MGLL: variants seen among roughly 807,000 people sequenced by gnomAD.
MGLL encodes the protein monoglyceride lipase.
A neutral mutation model predicts 29.1 loss-of-function variants in MGLL; 7 were observed. The ratio of observed to expected loss-of-function variants is 0.24; its 90% CI spans 0.14 to 0.45. The LOEUF (loss-of-function observed/expected upper bound fraction) is 0.45, where lower values mean the gene tolerates loss of function less well. Ranked by LOEUF, MGLL falls within the 20% of genes least tolerant of loss-of-function variation. MGLL has a pLI of 0.99. For missense variants in MGLL, 356 were observed against 413.6 expected (o/e 0.86, Z 1.21); for synonymous variants, 148 against 168.3 (o/e 0.88, Z 0.93).
At chr3:127,764,743 C>G (rs1157751540) in intron 3 of MGLL, among the ~76,000 whole-genome samples, 2 of 152,204 alleles carry the variant, frequency 1.3e-5, no homozygotes, top group African/African-American at 4.8e-5. Context: ...GGAAGCCACA[C>G]TAGTTAGCAT....
rs1222321850 is a variant in MGLL at position 127,721,120 on chromosome 3, T to A, written c.443A>T (p.His148Leu). 1 of 1,614,218 alleles carries A rather than the reference T, an allele frequency of 6.2e-7. No individual in the cohort carries two copies. Residue 148 changes from histidine to leucine, a missense_variant, in exon 5 of 8, where the codon CAC becomes CTC. Coordinates refer to ENST00000265052, the MANE Select transcript of MGLL (RefSeq NM_007283.7). ...AILTAAERPG[H>L]FAGMVLISPL... ...CGAAATGAGTACCATGCCGGCGAAG[T>A]GGCCCGGCCTCTCTGCGGCCGTGAG...
At chr3:127,743,253 A>G (rs2076378476) in intron 3 of MGLL, among the ~76,000 whole-genome samples, 1 of 152,120 alleles carries the variant, frequency 6.6e-6, no homozygotes, top group Non-Finnish European at 1.5e-5. Context: ...CCAGTCTTTA[A>G]CCTCAATGCT....
chr3:127,800,711 C>T (rs1209589355), intron 2 of MGLL, among the ~76,000 whole-genome samples: 1 of 152,182 alleles, frequency 6.6e-6, no homozygotes, highest in Non-Finnish European at 1.5e-5. Flanking sequence ...GATCTTATGT[C>T]CTCACATTCA....
chr3:127,700,247 C>T (rs766591492), intron 6 of MGLL, among the ~76,000 whole-genome samples: 3 of 152,176 alleles, frequency 2.0e-5, no homozygotes, highest in Admixed American at 6.5e-5. Context: ...TTTGCAGAGA[C>T]GATGTCCTCA....
intron 5 of MGLL, chr3:127,715,561 G>A (rs923056484): frequency 7.6e-6 from 3 of 393,446 alleles, no homozygotes; most frequent in Non-Finnish European, 1.5e-5. Context: ...TTTAAGATTT[G>A]TTGATTTCAT....
At chr3:127,716,766 C>T (rs988819632) in intron 5 of MGLL, among the ~76,000 whole-genome samples, 3 of 152,202 alleles carry the variant, frequency 2.0e-5, no homozygotes, top group African/African-American at 4.8e-5. Context: ...CTGACCTGTG[C>T]GCAGGAGGCT....
At chr3:127,729,142 T>C (rs983289003) in intron 3 of MGLL, among the ~76,000 whole-genome samples, 22 of 152,170 alleles carry the variant, frequency 1.4e-4, no homozygotes, top group African/African-American at 4.8e-4. Context: ...TCTTTTGAGA[T>C]TCTTATTTTT....
chr3:127,821,591 T>G (rs1195744187), intron 2 of MGLL, 103 bp downstream of exon 2: 1 of 1,348,428 alleles, frequency 7.4e-7, no homozygotes, highest in East Asian at 2.3e-5. Flanking sequence ...AAGTAGGTCA[T>G]AGAGAAAGCG....
In MGLL at chr3:127,706,283, C is replaced by T. The variant is rs937353917; in HGVS notation, c.600+4293G>A. ...AAGGCCCTACTATGTGCATGTCCCA[C>T]GTACCCACAAAGGTACTGAGAAAGA... is the stretch of plus-strand genomic sequence containing the variant. On this transcript the variant is annotated intron_variant, in intron 6 of 7. Coordinates refer to ENST00000265052, the MANE Select transcript of MGLL (RefSeq NM_007283.7). Among the ~76,000 whole-genome samples the T allele has an allele frequency of 3.3e-5, 5 of 152,336 alleles. 1 individual carries two copies. The Middle Eastern group carries it at 0.01, about 311-fold the overall frequency.
chr3:127,756,676 G>T (rs2076670605), intron 3 of MGLL, among the ~76,000 whole-genome samples: 1 of 152,138 alleles, frequency 6.6e-6, no homozygotes, highest in African/African-American at 2.4e-5. Flanking sequence ...CACAGGCCTG[G>T]CCTATCTCCA....
At chr3:127,721,829 T>TTCAA (rs1432324192) in intron 4 of MGLL, among the ~76,000 whole-genome samples, 1 of 150,006 alleles carries the variant, frequency 6.7e-6, no homozygotes, top group Non-Finnish European at 1.5e-5. Flanking sequence ...ATTCAAGCAG[T>TTCAA]TCAATATATC....
chr3:127,769,558 G>A (rs768317658), intron 3 of MGLL, among the ~76,000 whole-genome samples: 9 of 152,222 alleles, frequency 5.9e-5, no homozygotes, highest in Non-Finnish European at 1.0e-4. Flanking sequence ...GGCCCAGGGA[G>A]GCTGGTGAGG....
intron 2 of MGLL, among the ~76,000 whole-genome samples, chr3:127,812,865 C>T (rs772368843): frequency 3.9e-5 from 6 of 152,090 alleles, no homozygotes; most frequent in Admixed American, 6.5e-5. Context: ...TGGTGTTGAT[C>T]GGGGTGTGGT....
intron 2 of MGLL, among the ~76,000 whole-genome samples, chr3:127,813,194 C>T (rs1402338051): frequency 1.3e-5 from 2 of 151,936 alleles, no homozygotes; most frequent in African/African-American, 2.4e-5. Context: ...TCCCCTGCTT[C>T]CCTCCTTTTT....
chr3:127,693,460 C>G (rs1426593015), intron 7 of MGLL, among the ~76,000 whole-genome samples: 1 of 152,196 alleles, frequency 6.6e-6, no homozygotes, highest in Non-Finnish European at 1.5e-5. Context: ...CCCTGCCCCC[C>G]GCCACCAGCG....
chr3:127,694,994 C>T lies in MGLL; in HGVS notation c.797G>A (p.Ser266Asn), dbSNP rs754997161. The T allele has an allele frequency of 1.2e-6, 2 of 1,613,936 alleles. No individual in the cohort carries two copies. Among genetic ancestry groups the T allele is most frequent in the Admixed American group, 1.7e-5 (1 of 60,016 alleles). ...GAYLLMELAK[S>N]QDKTLKIYEG... is the part of the protein sequence containing the mutation. ...GCTCACCTTGAGAGTCTTGTCCTGG[C>T]TCTTGGCTAACTCCATGAGCAGGTA... The change falls in exon 7 of 8, where the codon AGC becomes AAC. Residue 266 changes from serine to asparagine, a missense_variant. Transcript: ENST00000265052.
At position 127,721,151 on chromosome 3, in the gene MGLL, C is replaced by A; in HGVS notation, c.412G>T (p.Ala138Ser). ...GGCCTCTCTGCGGCCGTGAGGATGG[C>A]GATGGCGCCTCCCTGTAATGCAGAA... ...LLGHSMGGAI[A>S]ILTAAERPGH... Residue 138 changes from alanine (A) to serine (S), a missense_variant, in exon 5 of 8, where the codon GCC becomes TCC. Ala to Ser is a moderately conservative substitution (Grantham distance 99). Coordinates refer to ENST00000265052, the MANE Select transcript of MGLL (RefSeq NM_007283.7). 5 of 1,614,134 alleles carry A rather than the reference C, an allele frequency of 3.1e-6. No homozygotes were observed. Among genetic ancestry groups the A allele is most frequent in the Non-Finnish European group, 4.2e-6 (5 of 1,179,982 alleles).
At chr3:127,821,621 A>G (rs1445510156) in intron 2 of MGLL, 73 bp downstream of exon 2, 27 of 1,572,584 alleles carry the variant, frequency 1.7e-5, no homozygotes, top group African/African-American at 2.7e-5. Flanking sequence ...CAGATGGCAC[A>G]TGATAACGAC....
chr3:127,730,718 C>T (rs11916152), intron 3 of MGLL, among the ~76,000 whole-genome samples: 30,712 of 152,138 alleles, frequency 0.2, 3,478 homozygotes, highest in African/African-American at 0.32. Flanking sequence ...AGTCCTCCCT[C>T]GTTTTCTCCT....
Sources: gnomAD v4.1 joint callset for allele counts (sites outside exome capture counted in the v4.1 genomes callset) on GRCh38, gnomAD v4.1.1 for gene constraint, MANE v1.5 for transcripts, NCBI Gene and HGNC (gene_info 2026-07-23, HGNC 2026-07-21) for gene names.